PI4KA: variants seen among roughly 807,000 people sequenced by gnomAD.
PI4KA encodes phosphatidylinositol 4-kinase alpha.
A neutral mutation model predicts 271.4 loss-of-function variants in PI4KA; 122 were observed. The observed-to-expected ratio is 0.45, with a 90% CI of 0.39 to 0.52. The LOEUF (loss-of-function observed/expected upper bound fraction) is 0.52. PI4KA is among the 20% of genes least tolerant of loss of function. PI4KA has a pLI of 0.00. For synonymous variants in PI4KA, 1,041 were observed against 1,078.8 expected (o/e 0.96, Z 0.69); for missense variants, 1,969 against 2,769.1 (o/e 0.71, Z 6.48).
Position 20,813,469 on chromosome 22 carries a change from C to T in PI4KA, c.894G>A (p.Glu298=). 3.1e-6 allele frequency: 5 copies of T among 1,614,032 alleles called. No homozygotes were observed. The highest frequency in any genetic ancestry group is 4.2e-6 in the Non-Finnish European group (5 of 1,179,960). The part of the protein sequence containing the change: ...CLPDGTALEP[E]YYFSTISSSF... ...TGGAGCTGATGGTTGAAAAGTAGTA[C>T]TCAGGCTCTAGGGCAGTCCCATCGG... The change falls in exon 8 of 55, where the codon GAG becomes GAA. Residue 298 remains glutamate, a synonymous_variant. Coordinates refer to ENST00000255882, the MANE Select transcript of PI4KA (RefSeq NM_058004.4).
At chr22:20,772,714 T>TTGGGA (rs1932933807) in intron 19 of PI4KA, among the ~76,000 whole-genome samples, 1 of 152,248 alleles carries the variant, frequency 6.6e-6, no homozygotes, top group Non-Finnish European at 1.5e-5. Flanking sequence ...GAGCAGTCTC[T>TTGGGA]GTGATAAGCT....
chr22:20,771,009 G>A (rs564127136), intron 19 of PI4KA, among the ~76,000 whole-genome samples: 6 of 152,032 alleles, frequency 3.9e-5, no homozygotes, highest in South Asian at 4.1e-4. Flanking sequence ...GTGAGACCCC[G>A]CTTTTTTCTA....
chr22:20,789,085 C>T (rs1934463188), intron 19 of PI4KA, among the ~76,000 whole-genome samples: 2 of 152,102 alleles, frequency 1.3e-5, no homozygotes, highest in South Asian at 4.2e-4. Context: ...TCCCCTCTTA[C>T]AGAAACTAGC....
chr22:20,806,363 T>A (rs1935650939), intron 10 of PI4KA, among the ~76,000 whole-genome samples: 1 of 151,780 alleles, frequency 6.6e-6, no homozygotes, highest in African/African-American at 2.4e-5. Flanking sequence ...TGTGTGTGCA[T>A]GTTAACTATT....
In PI4KA at chr22:20,707,943, TCTC is replaced by T; in HGVS notation, c.*101_*103del. On this transcript the variant is annotated 3_prime_UTR_variant, in exon 55 of 55. Transcript: ENST00000255882. ...TACCAGGTTCTTTGGGCCACAGGCC[TCTC>T]CTCCACTGCATGTGGCGGCAGGGCA... 4.8e-6 allele frequency: 5 copies of T among 1,035,498 alleles called. No individual in the cohort carries two copies. In the South Asian group the frequency reaches 6.3e-5, roughly 13 times the overall value. The allele number at this position is 1,035,498 out of a possible 1,614,324, so 64.1% of individuals were successfully genotyped here.
intron 19 of PI4KA, chr22:20,779,374 G>A (rs767469136): frequency 5.6e-6 from 9 of 1,614,104 alleles, no homozygotes; most frequent in Non-Finnish European, 7.6e-6. Flanking sequence ...TGGGGTGGGA[G>A]CAAAGGCCCG....
chr22:20,746,702 G>A (rs1417127439), intron 29 of PI4KA, among the ~76,000 whole-genome samples: 2 of 152,238 alleles, frequency 1.3e-5, no homozygotes, highest in African/African-American at 4.8e-5. Context: ...CAGGGCGGGT[G>A]GCCCTGCAGG....
chr22:20,724,488 A>G lies in PI4KA; in HGVS notation c.4995+2000T>C, dbSNP rs182642494. Among the ~76,000 whole-genome samples, 28 of 151,638 alleles carry G rather than the reference A, an allele frequency of 1.8e-4. 1 individual carries two copies. Among genetic ancestry groups the G allele is most frequent in the East Asian group, 9.8e-4 (5 of 5,126 alleles). On this transcript the variant is annotated intron_variant, in intron 42 of 54. Coordinates refer to ENST00000255882, the MANE Select transcript of PI4KA (RefSeq NM_058004.4). ...CCGGGCGTGGTGGCATGCACCTTCA[A>G]TCCCAGCTACTTGGGAGGCTGAGGC...
rs538784007 is a variant in PI4KA at position 20,811,314 on chromosome 22, G to A, written c.1006-282C>T. ...TGTTGACCTGAGATTTCTGTTTCCA[G>A]GATGTGCAGACCTCAGGCCTTGCTG... On this transcript the variant is annotated intron_variant, in intron 8 of 54. Transcript: ENST00000255882. 3.3e-5 allele frequency among the ~76,000 whole-genome samples: 5 copies of A among 152,282 alleles called. No individual in the cohort carries two copies. In the East Asian group the frequency reaches 7.7e-4, roughly 23 times the overall value.
rs765708229 is a variant in PI4KA at position 20,742,774 on chromosome 22, C to T, written c.3457-10G>A. The T allele has an allele frequency of 3.7e-6, 6 of 1,613,760 alleles. No homozygotes were observed. Among genetic ancestry groups the T allele is most frequent in the Non-Finnish European group, 5.1e-6 (6 of 1,179,714 alleles). On this transcript the variant is annotated splice_polypyrimidine_tract_variant and intron_variant, in intron 30 of 54. Coordinates refer to ENST00000255882, the MANE Select transcript of PI4KA (RefSeq NM_058004.4). The stretch of plus-strand genomic sequence containing the variant: ...GAATCATTCCATACACCTGCAAAAA[C>T]ATTCTCATCAGCAACTAAGCATATA...
At chr22:20,721,452 C>T (rs372381029) in intron 42 of PI4KA, 34 bp from the exon 43 acceptor site, 66 of 1,610,254 alleles carry the variant, frequency 4.1e-5, no homozygotes, top group African/African-American at 3.5e-4. Flanking sequence ...CAGCCAGGCT[C>T]GGCCCTCTCC....
chr22:20,751,146 TCTC>T (rs1411808703), intron 27 of PI4KA, 144 bp downstream of exon 27: 6 of 621,442 alleles, frequency 9.7e-6, no homozygotes, highest in Non-Finnish European at 1.7e-5. Flanking sequence ...AATGGCTTGG[TCTC>T]CTCACTGGGG....
intron 3 of PI4KA, among the ~76,000 whole-genome samples, chr22:20,824,829 TG>T (rs1487076300): frequency 6.6e-6 from 1 of 151,032 alleles, no homozygotes; most frequent in Non-Finnish European, 1.5e-5. Flanking sequence ...CCAGCACTTT[TG>T]GGGGGCCAAG....
chr22:20,776,579 G>T (rs1933301502), intron 19 of PI4KA, among the ~76,000 whole-genome samples: 1 of 152,168 alleles, frequency 6.6e-6, no homozygotes, highest in Non-Finnish European at 1.5e-5. Flanking sequence ...GACTGGCACT[G>T]GGAAAACAGC....
At chr22:20,820,777 C>T (rs149313464) in intron 4 of PI4KA, among the ~76,000 whole-genome samples, 166 bp from the exon 5 acceptor site, 1 of 152,322 alleles carries the variant, frequency 6.6e-6, no homozygotes, top group East Asian at 1.9e-4. Context: ...GCTGACTTTC[C>T]AGGGACAAAA....
At chr22:20,851,123 G>T (rs1926913373) in intron 1 of PI4KA, among the ~76,000 whole-genome samples, 1 of 152,088 alleles carries the variant, frequency 6.6e-6, no homozygotes, top group African/African-American at 2.4e-5. Flanking sequence ...ACTTTGCGAG[G>T]CCGAAGTGGG....
intron 19 of PI4KA, among the ~76,000 whole-genome samples, chr22:20,767,063 C>G (rs35351638): frequency 0.068 from 10,272 of 152,170 alleles, 478 homozygotes; most frequent in Non-Finnish European, 0.1. Flanking sequence ...GATTTAGGCA[C>G]AAAAATGTTG....
At chr22:20,751,799 A>G (rs1435887963) in intron 25 of PI4KA, 44 bp from the exon 26 acceptor site, 1 of 1,565,234 alleles carries the variant, frequency 6.4e-7, no homozygotes, top group Non-Finnish European at 8.8e-7. Context: ...CAAACCTCCA[A>G]GGAAGGTCTG....
At chr22:20,833,548 T>TTCA (rs1924467338) in intron 3 of PI4KA, among the ~76,000 whole-genome samples, 1 of 152,164 alleles carries the variant, frequency 6.6e-6, no homozygotes, top group African/African-American at 2.4e-5. Flanking sequence ...TGTGCATGCG[T>TTCA]TCATGCCTGT....
Sources: allele counts gnomAD v4.1 joint callset (sites outside exome capture counted in the v4.1 genomes callset), GRCh38; gene constraint gnomAD v4.1.1; transcripts MANE v1.5; gene names NCBI Gene and HGNC (gene_info 2026-07-23, HGNC 2026-07-21).